The following DENND1A variants were observed in gnomAD, a reference collection of about 807,000 sequenced individuals.
DENND1A encodes the protein DENN domain containing 1A, also known as DENN domain-containing protein 1A.
Under a neutral mutation model 113.7 loss-of-function variants are expected in DENND1A, and 51 were observed. The ratio of observed to expected loss-of-function variants is 0.45; its 90% CI spans 0.36 to 0.57. DENND1A has a LOEUF of 0.57. DENND1A is among the 20% of genes least tolerant of loss of function. DENND1A has a pLI of 0.00. For synonymous variants in DENND1A, 565 were observed against 570.8 expected (o/e 0.99, Z 0.14); for missense variants, 1,258 against 1,395.9 (o/e 0.90, Z 1.57).
rs1246642826 is a variant in DENND1A, at chr9:123,505,254, G to A, written c.994-47357C>T. ...AGGAAATGGGGCTTTATGTAAATAT[G>A]TGATATTTTGTACAGAATCCATGCT... On this transcript the variant is annotated intron_variant, in intron 13 of 23. Coordinates refer to ENST00000394215, the MANE Select transcript of DENND1A (RefSeq NM_001352964.2). Among the ~76,000 whole-genome samples the A allele has an allele frequency of 2.0e-5, 3 of 152,356 alleles. No homozygotes were observed. The East Asian group carries it at 5.8e-4, about 29-fold the overall frequency.
At chr9:123,443,905 C>A (rs971121171) in intron 18 of DENND1A, among the ~76,000 whole-genome samples, 1 of 151,880 alleles carries the variant, frequency 6.6e-6, no homozygotes, top group African/African-American at 2.4e-5. Context: ...TGTAGTGAGC[C>A]GTGATCAGGC....
Position 123,382,077 on chromosome 9 carries a change from G to A in DENND1A, c.2568C>T (p.Gly856=). The A allele has an allele frequency of 2.6e-6, 4 of 1,521,360 alleles. No homozygotes were observed. Among genetic ancestry groups the A allele is most frequent in the African/African-American group, 1.4e-5 (1 of 72,584 alleles). 94.2% of individuals were successfully genotyped at this position (1,521,360 alleles called of 1,614,324 possible). ...LLDPLSTAWS[G]STLPSRPATP... is the part of the protein sequence containing the mutation. Reference sequence around the variant, plus strand: ...TGGCGGGGCGTGACGGGAGGGTGCTGCCTGACCAGGCTGTGCTGAGCGGGT... The same window carrying A: ...TGGCGGGGCGTGACGGGAGGGTGCTACCTGACCAGGCTGTGCTGAGCGGGT... The change falls in exon 24 of 24, where the codon GGC becomes GGT. Residue 856 remains glycine, a synonymous_variant. Coordinates refer to ENST00000394215, the MANE Select transcript of DENND1A (RefSeq NM_001352964.2).
At chr9:123,413,508 G>A (rs1327191515) in intron 19 of DENND1A, 2 of 985,442 alleles carry the variant, frequency 2.0e-6, no homozygotes, top group Admixed American at 6.1e-5. Flanking sequence ...CACTACTCCT[G>A]GAGGGCAGGG....
chr9:123,921,783 C>T (rs1046743476), intron 1 of DENND1A, among the ~76,000 whole-genome samples: 4 of 152,182 alleles, frequency 2.6e-5, no homozygotes, highest in African/African-American at 9.7e-5. Flanking sequence ...CAGTCCTCAC[C>T]TCACAAATAC....
At chr9:123,593,321 T>C (rs2059543793) in intron 11 of DENND1A, among the ~76,000 whole-genome samples, 1 of 152,134 alleles carries the variant, frequency 6.6e-6, no homozygotes. Context: ...TTACATAGGG[T>C]TGTGAGAGGA....
chr9:123,586,265 G>T (rs908076821), intron 11 of DENND1A, among the ~76,000 whole-genome samples: 6 of 152,132 alleles, frequency 3.9e-5, no homozygotes, highest in Non-Finnish European at 8.8e-5. Flanking sequence ...CCATGAATGG[G>T]ATGTTGATTC....
At chr9:123,539,561 T>A (rs1307289240) in intron 13 of DENND1A, among the ~76,000 whole-genome samples, 1 of 152,082 alleles carries the variant, frequency 6.6e-6, no homozygotes. Flanking sequence ...AGAGTTGGGA[T>A]GAAAGGGGAT....
chr9:123,910,992 A>G (rs1345128107), intron 1 of DENND1A, among the ~76,000 whole-genome samples: 1 of 152,246 alleles, frequency 6.6e-6, no homozygotes, highest in Admixed American at 6.5e-5. Context: ...GGCAAGCTGC[A>G]GACTGAAGAA....
intron 18 of DENND1A, among the ~76,000 whole-genome samples, chr9:123,442,808 C>T (rs2047025530): frequency 6.6e-6 from 1 of 152,146 alleles, no homozygotes; most frequent in South Asian, 2.1e-4. Context: ...ATCACTCAAC[C>T]TCTCTGCACC....
chr9:123,711,127 C>A (rs981618947), intron 5 of DENND1A, among the ~76,000 whole-genome samples: 2 of 151,930 alleles, frequency 1.3e-5, no homozygotes, highest in African/African-American at 4.8e-5. Context: ...TGTATCAAAA[C>A]CTCATGCTAC....
chr9:123,449,525 C>T (rs2047550685), intron 18 of DENND1A, among the ~76,000 whole-genome samples: 1 of 144,590 alleles, frequency 6.9e-6, no homozygotes, highest in Non-Finnish European at 1.5e-5. Context: ...CACAGTGAGA[C>T]TCCGTCTCAA....
chr9:123,728,249 G>A lies in DENND1A; in HGVS notation c.302+29454C>T, dbSNP rs150643101. Among the ~76,000 whole-genome samples the A allele has an allele frequency of 1.8e-4, 27 of 151,880 alleles. No homozygotes were observed. The East Asian group carries it at 2.1e-3, about 12-fold the overall frequency. On this transcript the variant is annotated intron_variant, in intron 5 of 23. Transcript: ENST00000394215. The stretch of plus-strand genomic sequence containing the variant: ...TCCCAGCACTTTGGGAGGCCAAGGC[G>A]GGCAGACAACCTGAGGTCAGGAGTG...
At chr9:123,472,984 T>G (rs574962484) in intron 13 of DENND1A, among the ~76,000 whole-genome samples, 11 of 152,288 alleles carry the variant, frequency 7.2e-5, no homozygotes, top group Middle Eastern at 3.4e-3. Flanking sequence ...TCAGTGTCCC[T>G]CCTCTGGGCT....
chr9:123,399,223 A>T (rs1023262235), intron 21 of DENND1A, among the ~76,000 whole-genome samples: 1 of 152,192 alleles, frequency 6.6e-6, no homozygotes, highest in Non-Finnish European at 1.5e-5. Flanking sequence ...AGAGTAGAGA[A>T]GAATGGACCA....
chr9:123,706,625 G>C (rs2066220323), intron 5 of DENND1A, among the ~76,000 whole-genome samples: 1 of 151,576 alleles, frequency 6.6e-6, no homozygotes, highest in Admixed American at 6.6e-5. Flanking sequence ...CAAAAAATTA[G>C]CCAGGCGTGG....
At chr9:123,768,469 T>C (rs186396633) in intron 4 of DENND1A, among the ~76,000 whole-genome samples, 2 of 152,318 alleles carry the variant, frequency 1.3e-5, no homozygotes, top group East Asian at 1.9e-4. Flanking sequence ...CTTTGCCTTG[T>C]TTGGGTACAC....
chr9:123,854,120 C>T (rs1037929104), intron 2 of DENND1A, among the ~76,000 whole-genome samples: 2 of 152,276 alleles, frequency 1.3e-5, no homozygotes, highest in Admixed American at 1.3e-4. Context: ...AAAGTATTTA[C>T]AAATTCATTT....
intron 10 of DENND1A, among the ~76,000 whole-genome samples, chr9:123,627,833 A>C (rs1027435429): frequency 2.6e-5 from 4 of 152,108 alleles, no homozygotes; most frequent in Admixed American, 2.0e-4. Flanking sequence ...GGCCAGCAGG[A>C]AACCAGAGGG....
chr9:123,450,273 C>T (rs929791934), intron 18 of DENND1A, among the ~76,000 whole-genome samples: 16 of 152,190 alleles, frequency 1.1e-4, no homozygotes, highest in African/African-American at 3.9e-4. Flanking sequence ...GCGGTGGCCA[C>T]GTGCATGCTG....
Sources: gnomAD v4.1 joint callset for allele counts (sites outside exome capture counted in the v4.1 genomes callset) on GRCh38, gnomAD v4.1.1 for gene constraint, MANE v1.5 for transcripts, NCBI Gene and HGNC (gene_info 2026-07-23, HGNC 2026-07-21) for gene names.